SPTBN2: variants seen among roughly 807,000 people sequenced by gnomAD.
SPTBN2 encodes the protein spectrin beta, non-erythrocytic 2.
A neutral mutation model predicts 284.2 loss-of-function variants in SPTBN2; 107 were observed. The observed-to-expected ratio is 0.38, with a 90% CI of 0.32 to 0.44. The LOEUF is 0.44. Ranked by LOEUF, SPTBN2 falls within the 20% of genes least tolerant of loss-of-function variation. The probability of loss-of-function intolerance (pLI) is 1.00; values close to 1 mark genes in which losing one functional copy is unlikely to be tolerated. For synonymous variants in SPTBN2, 1,289 were observed against 1,354.8 expected (o/e 0.95, Z 1.07); for missense variants, 2,569 against 3,287.1 (o/e 0.78, Z 5.34).
intron 20 of SPTBN2, 142 bp from the exon 21 acceptor site, chr11:66,696,682 C>G: frequency 2.5e-6 from 3 of 1,184,686 alleles, no homozygotes; most frequent in Non-Finnish European, 3.7e-6. Context: ...TATCGACACA[C>G]TCTTCACGGA....
At chr11:66,694,033 G>A in intron 22 of SPTBN2, 106 bp downstream of exon 22, 5 of 1,443,970 alleles carry the variant, frequency 3.5e-6, no homozygotes, top group Admixed American at 3.5e-5. Context: ...CAATGCCAAA[G>A]AGAAGAGGGA....
Position 66,690,258 on chromosome 11 carries a change from T to A in SPTBN2, c.5591A>T (p.His1864Leu), listed in dbSNP as rs780591556. Residue 1864 changes from histidine (H) to leucine (L), a missense_variant, in exon 28 of 38, where the codon CAC becomes CTC. His to Leu is a moderately conservative substitution (Grantham distance 99). Transcript: ENST00000533211. ...TCCAGCGTAGGCCTTCTGGAGCCGGTGGCCGTCGTCCTGCACCTGCTGGAC... is the reference window on the plus strand; with the variant it reads ...TCCAGCGTAGGCCTTCTGGAGCCGGAGGCCGTCGTCCTGCACCTGCTGGAC... ...PQVQQVQDDG[H>L]RLQKAYAGDK... The A allele has an allele frequency of 2.5e-6, 4 of 1,611,334 alleles. No individual in the cohort carries two copies. In the South Asian group the frequency reaches 4.4e-5, roughly 18 times the overall value.
chr11:66,710,599 G>C lies in SPTBN2; in HGVS notation c.1056C>G (p.Thr352=). 3 of 1,613,824 alleles carry C rather than the reference G, an allele frequency of 1.9e-6. No individual in the cohort carries two copies. In the Middle Eastern group the frequency reaches 5.0e-4, roughly 267 times the overall value. ...NQLQSFNSYR[T]VEKPPKFTEK... is the part of the protein sequence containing the mutation. ...ACACCTACTTGGGCGGCTTCTCCAC[G>C]GTGCGGTAGGAGTTGAAGGACTGCA... The change falls in exon 10 of 38, where the codon ACC becomes ACG. Residue 352 remains threonine (T), a synonymous_variant. Transcript: ENST00000533211. This position sits in a 1 kb window ranked among gnomAD's most constrained non-coding sequence, Gnocchi z 4.9.
Position 66,711,050 on chromosome 11 carries a change from G to C in SPTBN2, c.773-21C>G, listed in dbSNP as rs754446918. On this transcript the variant is annotated intron_variant, in intron 8 of 37. Transcript: ENST00000533211. ...CACGTCTGCAAGAGAGGACCATTTG[G>C]GTCAGGCCTCCCAGAAGTTCATCCA... is the stretch of plus-strand genomic sequence containing the variant. 5.0e-6 allele frequency: 8 copies of C among 1,604,230 alleles called. No individual in the cohort carries two copies. The South Asian group carries it at 8.8e-5, about 18-fold the overall frequency.
In SPTBN2 at chr11:66,715,163, G is replaced by A. The variant is rs777500569; in HGVS notation, c.483+59C>T. 1.4e-4 allele frequency: 219 copies of A among 1,606,908 alleles called. 1 individual carries two copies. The highest frequency in any genetic ancestry group is 5.4e-4 in the South Asian group (49 of 90,880). On this transcript the variant is annotated intron_variant, in intron 5 of 37. Transcript: ENST00000533211. This position sits in a 1 kb window ranked among gnomAD's most constrained non-coding sequence, Gnocchi z 5.3. ...TGTTGTGTCATGGGCCAGCAGGAAC[G>A]GCTTGCGGTGCAGAGCCAGGGCAGG...
At chr11:66,702,670 G>A (rs574846796) in intron 15 of SPTBN2, among the ~76,000 whole-genome samples, 2 of 151,864 alleles carry the variant, frequency 1.3e-5, no homozygotes, top group African/African-American at 4.8e-5. Context: ...CGGGCATGGT[G>A]GCTCACGCCT....
Position 66,721,421 on chromosome 11 carries a change from G to GGGGAAGCCACCT in SPTBN2, c.-106_-95dup, listed in dbSNP as rs1472938429. On this transcript the variant is annotated 5_prime_UTR_variant, in exon 2 of 38. Coordinates refer to ENST00000533211, the MANE Select transcript of SPTBN2 (RefSeq NM_006946.4). ...GTGGAAATCAGCCCCCAGGGGAAGA[G>GGGGAAGCCACCT]GGGAAGCCACCTGGGAAGCCTGGGG... The GGGGAAGCCACCT allele has an allele frequency of 1.3e-6, 1 of 781,974 alleles. No individual in the cohort carries two copies. The highest frequency in any genetic ancestry group is 1.7e-5 in the African/African-American group (1 of 58,144). The allele number at this position is 781,974 out of a possible 1,614,324, so 48.4% of individuals were successfully genotyped here.
intron 1 of SPTBN2, among the ~76,000 whole-genome samples, chr11:66,735,996 T>A (rs1942849201): frequency 6.6e-6 from 1 of 152,232 alleles, no homozygotes; most frequent in African/African-American, 2.4e-5. Context: ...CTGACCTGAT[T>A]TCCTGTGATT....
rs117601341 is a variant in SPTBN2 at position 66,743,039 on chromosome 11, C to T, written c.-475+1503G>A. On this transcript the variant is annotated intron_variant, in intron 1 of 37. Coordinates refer to the SPTBN2 transcript ENST00000611817. The stretch of plus-strand genomic sequence containing the variant: ...ATTTATGTAAAGAGCTAGTGGGGTC[C>T]GACAACAAGCAGTCATTCAATGTTA... Among the ~76,000 whole-genome samples the T allele has an allele frequency of 1.2e-3, 179 of 151,478 alleles. 1 individual carries two copies. In the East Asian group the frequency reaches 0.025, roughly 21 times the overall value.
chr11:66,720,882 G>C (rs1455834871), intron 3 of SPTBN2, among the ~76,000 whole-genome samples: 3 of 152,056 alleles, frequency 2.0e-5, no homozygotes, highest in East Asian at 1.9e-4. Context: ...CTCTATGCTT[G>C]GGGGGAAGAG....
At position 66,707,629 on chromosome 11, in the gene SPTBN2, C is replaced by A. The variant is rs770212944; in HGVS notation, c.1540G>T (p.Asp514Tyr). Reference protein sequence around the residue: ...ARQHNVARLWDFLRQMVAARR... With the variant: ...ARQHNVARLWYFLRQMVAARR... ...GCGGCCACCATCTGCCGCAAGAAGT[C>A]CCAGAGCCGTGCCACGTTGTGCTGC... Residue 514 changes from aspartate (D) to tyrosine (Y), a missense_variant, in exon 13 of 38, where the codon GAC (aspartate) becomes TAC (tyrosine). Asp to Tyr is a radical substitution (Grantham distance 160). Transcript: ENST00000533211. The surrounding 1 kb of genome is among the most constrained non-coding windows in gnomAD (Gnocchi z 4.9). 9 of 1,610,292 alleles carry A rather than the reference C, an allele frequency of 5.6e-6. No homozygotes were observed. The South Asian group carries it at 9.9e-5, about 18-fold the overall frequency.
chr11:66,731,369 G>A (rs1355344635), upstream of SPTBN2, among the ~76,000 whole-genome samples: 1 of 152,174 alleles, frequency 6.6e-6, no homozygotes, highest in Admixed American at 6.5e-5. Flanking sequence ...AGTTGCAAAA[G>A]CGAATGGAAT....
intron 3 of SPTBN2, among the ~76,000 whole-genome samples, chr11:66,716,487 A>G (rs972978932): frequency 7.9e-5 from 12 of 152,154 alleles, no homozygotes; most frequent in Admixed American, 1.3e-4. Flanking sequence ...CTCAAAAAAA[A>G]AAAAGAAAAG....
rs758307846 is a variant in SPTBN2 at position 66,707,660 on chromosome 11, G to A, written c.1509C>T (p.Ala503=). ...GCCGTGCCACGTTGTGCTGCCGAGC[G>A]GCGATGCGCTTGATGTCGTGGTAGC... ...AERYHDIKRI[A]ARQHNVARLW... Residue 503 remains alanine, a synonymous_variant, in exon 13 of 38, where the codon GCC becomes GCT. Transcript: ENST00000533211. This position sits in a 1 kb window ranked among gnomAD's most constrained non-coding sequence, Gnocchi z 4.9. 1.6e-5 allele frequency: 26 copies of A among 1,607,594 alleles called. No individual in the cohort carries two copies. The highest frequency in any genetic ancestry group is 1.3e-4 in the Admixed American group (8 of 59,984).
chr11:66,721,848 C>G (rs1158419705), intron 1 of SPTBN2, among the ~76,000 whole-genome samples: 1 of 151,704 alleles, frequency 6.6e-6, no homozygotes, highest in Non-Finnish European at 1.5e-5. Flanking sequence ...AAGTTCAAGA[C>G]CAGCCTGACC....
At chr11:66,699,369 C>G (rs763542223) in intron 18 of SPTBN2, 37 bp downstream of exon 18, 1 of 1,609,068 alleles carries the variant, frequency 6.2e-7, no homozygotes, top group South Asian at 1.1e-5. Flanking sequence ...CCGATTCCCC[C>G]CTGGGAACCC....
intron 19 of SPTBN2, 82 bp from the exon 20 acceptor site, chr11:66,698,867 G>C: frequency 6.2e-7 from 1 of 1,604,220 alleles, no homozygotes; most frequent in Non-Finnish European, 8.5e-7. Context: ...GCCAGGAGAA[G>C]TGGGCGCCTT....
rs1274417364 is a variant in SPTBN2, at chr11:66,684,283, TGCCAAACCAGA to T, written c.*1577_*1587del. Among the ~76,000 whole-genome samples, 4 of 152,314 alleles carry T rather than the reference TGCCAAACCAGA, an allele frequency of 2.6e-5. No individual in the cohort carries two copies. The East Asian group carries it at 7.7e-4, about 29-fold the overall frequency. On this transcript the variant is annotated 3_prime_UTR_variant, in exon 38 of 38. Transcript: ENST00000533211. ...AACACTGTGCCCTGAAAGCTCCGAT[TGCCAAACCAGA>T]GACAAAGGAGAAGCCACCCGCTCCT...
rs755794446 is a variant in SPTBN2, at chr11:66,705,170, C to T, written c.2106G>A (p.Glu702=). Residue 702 remains glutamate, a synonymous_variant, in exon 15 of 38, where the codon GAG becomes GAA. Transcript: ENST00000533211. ...CCTCGGCCACCAACTGCTGGCCCTG[C>T]TCCAGGGTGAGCTTCAGGGGCCCCA... The part of the protein sequence containing the change: ...GRLGPLKLTL[E]QGQQLVAEGH... 2 of 1,535,502 alleles carry T rather than the reference C, an allele frequency of 1.3e-6. No homozygotes were observed. The highest frequency in any genetic ancestry group is 1.2e-5 in the South Asian group (1 of 84,440).
Sources: gnomAD v4.1 joint callset for allele counts (sites outside exome capture counted in the v4.1 genomes callset) on GRCh38, gnomAD v4.1.1 for gene constraint, Gnocchi (gnomAD v3.1) non-coding constraint, MANE v1.5 for transcripts, NCBI Gene and HGNC (gene_info 2026-07-23, HGNC 2026-07-21) for gene names.